ZNF800: variants seen among roughly 807,000 people sequenced by gnomAD.
ZNF800 encodes the protein zinc finger protein 800.
In ZNF800, 13 loss-of-function variants were observed where a neutral mutation model predicts 59.5. That is an observed-to-expected ratio of 0.22 (90% CI 0.14 to 0.35). ZNF800 has a LOEUF of 0.35. ZNF800 is among the 10% of genes least tolerant of loss of function. ZNF800 has a pLI of 1.00. For synonymous variants in ZNF800, 266 were observed against 265.7 expected (o/e 1.00, Z -0.01); for missense variants, 621 against 783.7 (o/e 0.79, Z 2.48).
At chr7:127,372,158 C>T (rs995511428) in intron 5 of ZNF800, among the ~76,000 whole-genome samples, 2 of 152,086 alleles carry the variant, frequency 1.3e-5, no homozygotes, top group Non-Finnish European at 2.9e-5. Flanking sequence ...TAAAAATCTA[C>T]ATTTGTTCCA....
chr7:127,364,816 ATCT>A (rs1159491852), intron 1 of ZNF800: 4 of 152,246 alleles, frequency 2.6e-5, no homozygotes, highest in South Asian at 2.1e-4. Context: ...ATAAACAAAC[ATCT>A]TCTACTTTTT....
rs1329897663 is a variant in ZNF800 at position 127,373,696 on chromosome 7, C to T, written c.1640G>A (p.Arg547His). 3.1e-6 allele frequency: 5 copies of T among 1,613,956 alleles called. No individual in the cohort carries two copies. The African/African-American group carries it at 4.0e-5, about 13-fold the overall frequency. The change falls in exon 5 of 6, where the codon CGT becomes CAT. Residue 547 changes from arginine (R) to histidine (H), a missense_variant. Transcript: ENST00000265827. The part of the protein sequence containing the change: ...HITVVHKKSS[R>H]YLGKITASLE... The stretch of plus-strand genomic sequence containing the variant: ...ACTGGCTGTTATTTTCCCAAGATAA[C>T]GAGATGACTTTTTATGAACCACAGT...
downstream of ZNF800, among the ~76,000 whole-genome samples, chr7:127,366,039 T>C (rs1045718905): frequency 6.6e-6 from 1 of 152,122 alleles, no homozygotes; most frequent in South Asian, 2.1e-4. Context: ...TAGTTTCTAA[T>C]ATAATCATTT....
In ZNF800 at chr7:127,371,256, G is replaced by A. The variant is rs1800625132; in HGVS notation, c.*558C>T. ...CACTGAAGTGCTGGAGAACAAGCTA[G>A]AAATAAATGGATGTAAAAATAATTA... is the stretch of plus-strand genomic sequence containing the variant. On this transcript the variant is annotated 3_prime_UTR_variant, in exon 6 of 6. Coordinates refer to ENST00000265827, the MANE Select transcript of ZNF800 (RefSeq NM_176814.5). The A allele has an allele frequency of 6.6e-6, 1 of 152,494 alleles. No homozygotes were observed. Among genetic ancestry groups the A allele is most frequent in the South Asian group, 2.1e-4 (1 of 4,824 alleles). 9.4% of individuals were successfully genotyped at this position (152,494 alleles called of 1,614,324 possible).
In ZNF800 at chr7:127,374,221, A is replaced by G. The variant is rs1375041629; in HGVS notation, c.1115T>C (p.Ile372Thr). The change falls in exon 5 of 6, where the codon ATA becomes ACA. Residue 372 changes from isoleucine (I) to threonine (T), a missense_variant. Physicochemically the swap from Ile to Thr is moderately conservative, Grantham distance 89 (BLOSUM62 -1). This residue lies in a region of ZNF800 where 185 missense variants were observed against 177.6 expected (regional missense o/e 1.04). Coordinates refer to ENST00000265827, the MANE Select transcript of ZNF800 (RefSeq NM_176814.5). Reference protein sequence around the residue: ...LLCKRKYSSQIMLKRHMQIVH... With the variant: ...LLCKRKYSSQTMLKRHMQIVH... ...AATTTGCATATGTCTTTTAAGCATT[A>G]TTTGTGAACTATATTTCCTCTTGCA... is the stretch of plus-strand genomic sequence containing the variant. The G allele has an allele frequency of 6.2e-7, 1 of 1,614,066 alleles. No homozygotes were observed. The highest frequency in any genetic ancestry group is 1.3e-5 in the African/African-American group (1 of 75,050).
chr7:127,371,814 T>C lies in ZNF800; in HGVS notation c.1995A>G (p.Ter665TrpextTer1). 2.6e-6 allele frequency: 2 copies of C among 768,238 alleles called. No homozygotes were observed. Among genetic ancestry groups the C allele is most frequent in the Non-Finnish European group, 4.8e-6 (2 of 412,684 alleles). The allele number at this position is 768,238 out of a possible 1,614,324, so 47.6% of individuals were successfully genotyped here. ...CCTTTTCGTACATCACTTGAAGTTA[T>C]CTGAGGAGAAATGGGAATAAATGAA... ...GRSTRSKALV[*>W] The change falls in exon 6 of 6, where the codon TGA becomes TGG. Residue 665 changes from the stop codon to tryptophan (W), a stop_lost and splice_region_variant. Coordinates refer to ENST00000265827, the MANE Select transcript of ZNF800 (RefSeq NM_176814.5).
chr7:127,344,528 C>G (rs1752922789), downstream of ZNF800, among the ~76,000 whole-genome samples: 1 of 151,880 alleles, frequency 6.6e-6, no homozygotes, highest in South Asian at 2.1e-4. Flanking sequence ...ATAACTGAAG[C>G]TTATCTGCGA....
At chr7:127,353,818 C>G (rs1009127629) in intron 1 of ZNF800, among the ~76,000 whole-genome samples, 1 of 146,820 alleles carries the variant, frequency 6.8e-6, no homozygotes, top group Non-Finnish European at 1.5e-5. Context: ...AAAGTTAAAG[C>G]AATAATTGCA....
intron 3 of ZNF800, 64 bp downstream of exon 3, chr7:127,385,996 G>C: frequency 9.7e-7 from 1 of 1,028,452 alleles, no homozygotes; most frequent in Non-Finnish European, 1.5e-6. Context: ...TTATTTCTAA[G>C]GACTTCTAGG....
intron 1 of ZNF800, among the ~76,000 whole-genome samples, chr7:127,352,168 T>A (rs765140388): frequency 4.6e-5 from 7 of 152,176 alleles, no homozygotes; most frequent in Non-Finnish European, 1.5e-5. Flanking sequence ...AAAAGATGGA[T>A]CACACTCATC....
chr7:127,366,009 C>T (rs1246131264), downstream of ZNF800, among the ~76,000 whole-genome samples: 1 of 152,112 alleles, frequency 6.6e-6, no homozygotes, highest in South Asian at 2.1e-4. Context: ...TAAATTCCCA[C>T]AATAAACCTA....
At chr7:127,346,657 A>C (rs1175720802), downstream of ZNF800, 1 of 152,418 alleles carries the variant, frequency 6.6e-6, no homozygotes, top group East Asian at 1.9e-4. Context: ...GATGGTGATC[A>C]GAGCATGGAA....
At chr7:127,348,608 A>T (rs1800115616) in intron 1 of ZNF800, among the ~76,000 whole-genome samples, 1 of 152,272 alleles carries the variant, frequency 6.6e-6, no homozygotes, top group Admixed American at 6.5e-5. Flanking sequence ...CCCCATTTGT[A>T]CCATGTGAGT....
chr7:127,344,003 A>G (rs1800014588), downstream of ZNF800, among the ~76,000 whole-genome samples: 1 of 152,044 alleles, frequency 6.6e-6, no homozygotes, highest in East Asian at 1.9e-4. Context: ...TCAGTCTAAG[A>G]GCTAACATTT....
intron 1 of ZNF800, among the ~76,000 whole-genome samples, 155 bp from the exon 2 acceptor site, chr7:127,391,770 C>T (rs1395613433): frequency 6.6e-6 from 1 of 152,192 alleles, no homozygotes; most frequent in African/African-American, 2.4e-5. Context: ...CACAAACCCT[C>T]CTGCAGCCCA....
chr7:127,371,822 G>C lies in ZNF800; in HGVS notation c.*-8C>G. 1.3e-6 allele frequency: 1 copy of C among 766,614 alleles called. No individual in the cohort carries two copies. The highest frequency in any genetic ancestry group is 2.4e-6 in the Non-Finnish European group (1 of 411,880). The allele number at this position is 766,614 out of a possible 1,614,324, so 47.5% of individuals were successfully genotyped here. A position where few individuals can be genotyped will look rare whatever the true frequency, so the allele number is the denominator to read the frequency against. On this transcript the variant is annotated splice_polypyrimidine_tract_variant and splice_region_variant and intron_variant, in intron 5 of 5. Coordinates refer to ENST00000265827, the MANE Select transcript of ZNF800 (RefSeq NM_176814.5). ...TACATCACTTGAAGTTATCTGAGGA[G>C]AAATGGGAATAAATGAACACTTTTG... is the stretch of plus-strand genomic sequence containing the variant.
In ZNF800 at chr7:127,374,591, T is replaced by C. The variant is rs190331810; in HGVS notation, c.745A>G (p.Ile249Val). The C allele has an allele frequency of 1.9e-6, 3 of 1,614,034 alleles. No individual in the cohort carries two copies. In the African/African-American group the frequency reaches 4.0e-5, roughly 22 times the overall value. The stretch of plus-strand genomic sequence containing the variant: ...ATCTTTTTCTTGTGTACTTTTCGAA[T>C]GTGACGGCGAACACCTCGTCTAGAA... ...FNSRRGVRRHIRKVHKKKMEE... is the reference protein window; with the variant it reads ...FNSRRGVRRHVRKVHKKKMEE... The change falls in exon 5 of 6, where the codon ATT (isoleucine) becomes GTT (valine). Residue 249 changes from isoleucine to valine, a missense_variant. Coordinates refer to ENST00000265827, the MANE Select transcript of ZNF800 (RefSeq NM_176814.5).
intron 3 of ZNF800, among the ~76,000 whole-genome samples, chr7:127,382,071 T>C (rs1208846126): frequency 1.3e-5 from 2 of 151,898 alleles, no homozygotes; most frequent in Non-Finnish European, 2.9e-5. Flanking sequence ...AAAAAAAGAG[T>C]TCCCTGCATG....
At chr7:127,378,742 GA>G (rs1650202048) in intron 3 of ZNF800, among the ~76,000 whole-genome samples, 1 of 151,798 alleles carries the variant, frequency 6.6e-6, no homozygotes, top group South Asian at 2.1e-4. Flanking sequence ...GAGAGAGAGA[GA>G]GAGGGAGATA....
Sources: allele counts gnomAD v4.1 joint callset (sites outside exome capture counted in the v4.1 genomes callset), GRCh38; gene constraint gnomAD v4.1.1; regional missense constraint gnomAD v4.1.1; transcripts MANE v1.5; gene names NCBI Gene and HGNC (gene_info 2026-07-23, HGNC 2026-07-21).